The following INPP4A variants were observed in gnomAD, a reference collection of about 807,000 sequenced individuals.
INPP4A encodes inositol polyphosphate-4-phosphatase type I A, also known as inositol polyphosphate-4-phosphatase, type I, 107kD.
INPP4A carries 33 observed loss-of-function variants against 119.8 expected under a neutral mutation model. The ratio of observed to expected loss-of-function variants is 0.28; its 90% confidence interval spans 0.21 to 0.37. The LOEUF is 0.37. Among genes scored for constraint, INPP4A ranks in the 10% least tolerant of loss-of-function variants. The probability of loss-of-function intolerance (pLI) is 1.00; values close to 1 mark genes in which losing one functional copy is unlikely to be tolerated. For synonymous variants in INPP4A, 496 were observed against 500.7 expected (o/e 0.99, Z 0.12); for missense variants, 956 against 1,289.9 (o/e 0.74, Z 3.97).
chr2:98,485,638 G>A (rs1012216197), intron 1 of INPP4A, among the ~76,000 whole-genome samples: 1 of 152,124 alleles, frequency 6.6e-6, no homozygotes, highest in Non-Finnish European at 1.5e-5. Flanking sequence ...CCAGCTGAGA[G>A]TTCCTTTATT....
chr2:98,556,219 G>A, intron 16 of INPP4A: 1 of 175,108 alleles, frequency 5.7e-6, no homozygotes, highest in East Asian at 1.6e-4. Flanking sequence ...ATTGTTCAGG[G>A]ACACAGCTGG....
chr2:98,452,354 A>C (rs567694570), intron 1 of INPP4A, among the ~76,000 whole-genome samples: 2 of 152,074 alleles, frequency 1.3e-5, no homozygotes, highest in Admixed American at 6.5e-5. Flanking sequence ...AGTGGATCCT[A>C]CCCCACCCAC....
At chr2:98,496,393 T>C (rs2105317174) in intron 1 of INPP4A, among the ~76,000 whole-genome samples, 1 of 152,250 alleles carries the variant, frequency 6.6e-6, no homozygotes, top group South Asian at 2.1e-4. Flanking sequence ...ATTAAATACT[T>C]AAATATGAGA....
At chr2:98,456,323 G>C (rs1696132975) in intron 1 of INPP4A, among the ~76,000 whole-genome samples, 1 of 152,056 alleles carries the variant, frequency 6.6e-6, no homozygotes, top group Non-Finnish European at 1.5e-5. Flanking sequence ...ATTGCTAAAA[G>C]CTTTTACATT....
In INPP4A at chr2:98,554,941, CATT is replaced by C. The variant is rs1694182263; in HGVS notation, c.1566+456_1566+458del. ...GAGCTGCCGCCCTGACATTACATCA[CATT>C]ATTGTTCCTCAGAGAATTGGCCCTG... On this transcript the variant is annotated intron_variant, in intron 15 of 24. Transcript: ENST00000409851. This position sits in a 1 kb window ranked among gnomAD's most constrained non-coding sequence, Gnocchi z 4.7. 1.3e-5 allele frequency among the ~76,000 whole-genome samples: 2 copies of C among 152,218 alleles called. No homozygotes were observed. The highest frequency in any genetic ancestry group is 2.4e-5 in the African/African-American group (1 of 41,450).
intron 1 of INPP4A, among the ~76,000 whole-genome samples, chr2:98,455,892 C>T (rs1233316251): frequency 6.6e-6 from 1 of 152,216 alleles, no homozygotes; most frequent in Non-Finnish European, 1.5e-5. Context: ...AGGGAAGCTG[C>T]CTGTGTGTCA....
intron 1 of INPP4A, among the ~76,000 whole-genome samples, chr2:98,514,113 A>T (rs1324284590): frequency 6.6e-6 from 1 of 152,204 alleles, no homozygotes; most frequent in Non-Finnish European, 1.5e-5. Flanking sequence ...TTGGATTAAC[A>T]GCTCTAGTAG....
At chr2:98,475,035 G>C (rs991265472) in intron 1 of INPP4A, among the ~76,000 whole-genome samples, 10 of 152,066 alleles carry the variant, frequency 6.6e-5, no homozygotes, top group Admixed American at 5.9e-4. Context: ...GTCACAATAA[G>C]CAGAGGGTAT....
At chr2:98,469,299 C>G (rs568219488) in intron 1 of INPP4A, among the ~76,000 whole-genome samples, 1 of 152,016 alleles carries the variant, frequency 6.6e-6, no homozygotes, top group African/African-American at 2.4e-5. Flanking sequence ...GAGTTCAAGA[C>G]CAGCCTGGCC....
At chr2:98,538,868 T>C (rs2105983892) in intron 8 of INPP4A, 23 bp from the exon 9 acceptor site, 6 of 1,437,274 alleles carry the variant, frequency 4.2e-6, no homozygotes, top group Non-Finnish European at 5.9e-6. Flanking sequence ...AGTTTTCTTG[T>C]GCATTTCCTT....
chr2:98,575,952 T>C (rs930164553), intron 23 of INPP4A, among the ~76,000 whole-genome samples: 2 of 152,234 alleles, frequency 1.3e-5, no homozygotes, highest in African/African-American at 4.8e-5. Context: ...GGTACACAGT[T>C]GGTGTTTACT....
chr2:98,517,294 C>T (rs1686331394), intron 1 of INPP4A, among the ~76,000 whole-genome samples: 1 of 152,178 alleles, frequency 6.6e-6, no homozygotes, highest in South Asian at 2.1e-4. Context: ...AGGTATCTTG[C>T]TACTGTGAAT....
chr2:98,481,839 A>G (rs1678532893), intron 1 of INPP4A, among the ~76,000 whole-genome samples: 2 of 152,208 alleles, frequency 1.3e-5, no homozygotes, highest in South Asian at 4.1e-4. Flanking sequence ...CTGTCCACGC[A>G]CCACCTCTGG....
At chr2:98,559,531 C>G (rs1695090949) in intron 17 of INPP4A, 36 bp downstream of exon 17, 1 of 1,603,358 alleles carries the variant, frequency 6.2e-7, no homozygotes, top group Non-Finnish European at 8.5e-7. Flanking sequence ...TGCTGATGCC[C>G]TTTTAATTGA....
At chr2:98,514,304 A>G (rs1475438418) in intron 1 of INPP4A, among the ~76,000 whole-genome samples, 1 of 152,190 alleles carries the variant, frequency 6.6e-6, no homozygotes, top group East Asian at 1.9e-4. Flanking sequence ...TGTGAAATAT[A>G]TACTTGGTCT....
intron 13 of INPP4A, among the ~76,000 whole-genome samples, chr2:98,551,106 C>A (rs1322008222): frequency 6.6e-6 from 1 of 152,072 alleles, no homozygotes; most frequent in Non-Finnish European, 1.5e-5. Context: ...CAAGCACAAG[C>A]CACCATGCCT....
rs1365559213 is a variant in INPP4A at position 98,570,784 on chromosome 2, T to A, written c.2519-2031T>A. Among the ~76,000 whole-genome samples, 1 of 151,988 alleles carries A rather than the reference T, an allele frequency of 6.6e-6. No homozygotes were observed. Among genetic ancestry groups the A allele is most frequent in the Non-Finnish European group, 1.5e-5 (1 of 67,976 alleles). ...CATGAATGGAGGAAATATGCTCAGG[T>A]TGGGCAGCCTCAGTCTCCCCAGTAA... On this transcript the variant is annotated intron_variant, in intron 22 of 24. Transcript: ENST00000409851. This position sits in a 1 kb window ranked among gnomAD's most constrained non-coding sequence, Gnocchi z 4.3.
At chr2:98,550,488 A>G (rs188227494) in intron 13 of INPP4A, among the ~76,000 whole-genome samples, 53 of 152,290 alleles carry the variant, frequency 3.5e-4, no homozygotes, top group African/African-American at 1.2e-3. Context: ...CTCTCATGGC[A>G]TCTTCAGTTT....
intron 1 of INPP4A, among the ~76,000 whole-genome samples, chr2:98,478,655 C>G (rs1348803240): frequency 6.6e-6 from 1 of 152,112 alleles, no homozygotes; most frequent in East Asian, 1.9e-4. Context: ...AAGAGGGTCC[C>G]TGCCCCAGCT....
Sources: allele counts gnomAD v4.1 joint callset (sites outside exome capture counted in the v4.1 genomes callset), GRCh38; gene constraint gnomAD v4.1.1; non-coding constraint Gnocchi (gnomAD v3.1); transcripts MANE v1.5; gene names NCBI Gene and HGNC (gene_info 2026-07-23, HGNC 2026-07-21).